ZNF7: variants seen among roughly 807,000 people sequenced by gnomAD.
ZNF7 encodes zinc finger protein 7, also known as C2-H2 type zinc finger protein.
A neutral mutation model predicts 12.0 loss-of-function variants in ZNF7; 10 were observed. The ratio of observed to expected loss-of-function variants is 0.83; its 90% confidence interval spans 0.51 to 1.42. The LOEUF (loss-of-function observed/expected upper bound fraction) is 1.42, where lower values mean the gene tolerates loss of function less well. Ranked by LOEUF, ZNF7 falls within the 40% of genes most tolerant of loss-of-function variation. The pLI is 0.00. For missense variants in ZNF7, 854 were observed against 837.2 expected, an observed-to-expected ratio of 1.02 and a Z score of -0.25; for synonymous variants, 334 against 295.0, an observed-to-expected ratio of 1.13 and a Z score of -1.35.
At position 144,841,361 on chromosome 8, in the gene ZNF7, C is replaced by A. The variant is rs180952992; in HGVS notation, c.254C>A (p.Thr85Lys). 7.2e-5 allele frequency: 115 copies of A among 1,598,878 alleles called. 1 individual carries two copies. The East Asian group carries it at 1.9e-3, about 26-fold the overall frequency. Residue 85 changes from threonine to lysine, a missense_variant, in exon 5 of 5, where the codon ACG (threonine) becomes AAG (lysine). Transcript: ENST00000532777. ...TTGTTCCTGTTTATTTCAGATTCTA[C>A]GATTAGGACTGAAAATGAGCAGGCC... ...EAPRTSKTDSTIRTENEQACE... is the reference protein window; with the variant it reads ...EAPRTSKTDSKIRTENEQACE...
intron 3 of ZNF7, chr8:144,834,694 T>C (rs1586801319): frequency 6.6e-6 from 1 of 151,752 alleles, no homozygotes; most frequent in African/African-American, 2.4e-5. Flanking sequence ...ATTTTTGTGT[T>C]TCTGTTCATA....
intron 3 of ZNF7, chr8:144,834,003 C>T (rs1563829182): frequency 6.6e-6 from 1 of 152,062 alleles, no homozygotes; most frequent in Non-Finnish European, 1.5e-5. Context: ...TGGTCTCGAA[C>T]TAACCTCAGG....
rs536207999 is a variant in ZNF7 at position 144,837,441 on chromosome 8, G to A, written c.181G>A (p.Glu61Lys). 64 of 1,613,138 alleles carry A rather than the reference G, an allele frequency of 4.0e-5. 2 individuals are homozygous for A. In the South Asian group the frequency reaches 6.4e-4, roughly 16 times the overall value. The change falls in exon 4 of 5, where the codon GAA becomes AAA. Residue 61 changes from glutamate (E) to lysine (K), a missense_variant. By Grantham distance (56) the Glu-to-Lys change is moderately conservative. Transcript: ENST00000532777. The part of the protein sequence containing the change: ...PELISRLEQG[E>K]EPWVLDLQGA... ...GCTGATCTCTCGGCTGGAGCAGGGA[G>A]AAGAGCCATGGGTCCTCGACCTGCA...
chr8:144,842,060 G>GC lies in ZNF7; in HGVS notation c.954dup (p.Ser319LeufsTer20). On this transcript the variant is annotated frameshift_variant, in exon 5 of 5. Coordinates refer to ENST00000532777, the MANE Select transcript of ZNF7 (RefSeq NM_003416.4). LOFTEE classifies it low-confidence loss of function (END_TRUNC). ...GAATGTGGAAAAGCTTTTGGTCAGA[G>GC]CTCAAGCCTCATCCACCATCAGAGA... 6.2e-7 allele frequency: 1 copy of GC among 1,614,144 alleles called. No homozygotes were observed. The highest frequency in any genetic ancestry group is 8.5e-7 in the Non-Finnish European group (1 of 1,180,020).
At chr8:144,837,087 C>G (rs1226342956) in intron 3 of ZNF7, 4 of 237,656 alleles carry the variant, frequency 1.7e-5, no homozygotes, top group South Asian at 1.6e-4. Context: ...TTCTCCTTCT[C>G]TTTCCCGAGT....
At chr8:144,827,800 G>C in intron 1 of ZNF7, 191 bp downstream of exon 1, 1 of 609,316 alleles carries the variant, frequency 1.6e-6, no homozygotes. Context: ...ACCCTCCCCC[G>C]CGGCGGCGCG....
In ZNF7 at chr8:144,842,796, T is replaced by G. The variant is rs372273522; in HGVS notation, c.1689T>G (p.Ser563Arg). 2 of 1,614,024 alleles carry G rather than the reference T, an allele frequency of 1.2e-6. No individual in the cohort carries two copies. The highest frequency in any genetic ancestry group is 2.7e-5 in the African/African-American group (2 of 74,918). Reference sequence around the variant, plus strand: ...GTAATGAATGTGGGAAAGCCTTCAGTCAAAACTCAACCCTTTTCCAACACC... The same window carrying G: ...GTAATGAATGTGGGAAAGCCTTCAGGCAAAACTCAACCCTTTTCCAACACC... ...YKCNECGKAF[S>R]QNSTLFQHQI... The change falls in exon 5 of 5, where the codon AGT becomes AGG. Residue 563 changes from serine (S) to arginine (R), a missense_variant. Ser to Arg is a moderately radical substitution (Grantham distance 110). Coordinates refer to ENST00000532777, the MANE Select transcript of ZNF7 (RefSeq NM_003416.4).
intron 2 of ZNF7, 45 bp from the exon 3 acceptor site, chr8:144,829,433 G>A: frequency 6.2e-7 from 1 of 1,611,932 alleles, no homozygotes; most frequent in South Asian, 1.1e-5. Context: ...CCAGAAGGGG[G>A]CTGGCACCCA....
At position 144,842,098 on chromosome 8, in the gene ZNF7, G is replaced by A; in HGVS notation, c.991G>A (p.Glu331Lys). The A allele has an allele frequency of 6.2e-7, 1 of 1,614,192 alleles. No individual in the cohort carries two copies. Among genetic ancestry groups the A allele is most frequent in the Non-Finnish European group, 8.5e-7 (1 of 1,180,032 alleles). Reference protein sequence around the residue: ...LIHHQRIHTGERPYGCRECGK... With the variant: ...LIHHQRIHTGKRPYGCRECGK... The stretch of plus-strand genomic sequence containing the variant: ...CCACCATCAGAGAATCCACACAGGA[G>A]AGAGGCCCTATGGTTGTCGTGAGTG... The change falls in exon 5 of 5, where the codon GAG (glutamate) becomes AAG (lysine). Residue 331 changes from glutamate to lysine, a missense_variant. Physicochemically the swap from Glu to Lys is moderately conservative, Grantham distance 56. Transcript: ENST00000532777.
Position 144,842,749 on chromosome 8 carries a change from A to C in ZNF7, c.1642A>C (p.Thr548Pro), listed in dbSNP as rs767394022. Residue 548 changes from threonine (T) to proline (P), a missense_variant, in exon 5 of 5, where the codon ACT becomes CCT. By Grantham distance (38) the Thr-to-Pro change is conservative. Transcript: ENST00000532777. ...GCTTACAATACATCAAAGGGTTCAC[A>C]CTGGAGAGAGGCCCTATAAATGTAA... ...TQLTIHQRVH[T>P]GERPYKCNEC... The C allele has an allele frequency of 1.2e-6, 2 of 1,614,094 alleles. No individual in the cohort carries two copies. The highest frequency in any genetic ancestry group is 2.7e-5 in the African/African-American group (2 of 74,940).
At chr8:144,831,145 A>G in intron 3 of ZNF7, 1 of 382,974 alleles carries the variant, frequency 2.6e-6, no homozygotes, top group Non-Finnish European at 5.2e-6. Flanking sequence ...CTGTGTGTAC[A>G]CAGTTGCTGA....
chr8:144,829,635 GCAT>G, intron 3 of ZNF7, 31 bp downstream of exon 3: 1 of 1,584,382 alleles, frequency 6.3e-7, no homozygotes, highest in South Asian at 1.1e-5. Context: ...CCCTTCCCCT[GCAT>G]CATCAGTCAG....
Position 144,842,312 on chromosome 8 carries a change from C to T in ZNF7, c.1205C>T (p.Ala402Val). The change falls in exon 5 of 5, where the codon GCA becomes GTA. Residue 402 changes from alanine (A) to valine (V), a missense_variant. Physicochemically the swap from Ala to Val is moderately conservative, Grantham distance 64. Coordinates refer to ENST00000532777, the MANE Select transcript of ZNF7 (RefSeq NM_003416.4). ...LKASDSPSLV[A>V]HQRIHAVEKP... ...GCCTCAGACAGTCCAAGCCTTGTTG[C>T]ACATCAGAGAATTCACGCTGTAGAG... 6.2e-7 allele frequency: 1 copy of T among 1,613,908 alleles called. No individual in the cohort carries two copies. Among genetic ancestry groups the T allele is most frequent in the Non-Finnish European group, 8.5e-7 (1 of 1,180,038 alleles).
In ZNF7 at chr8:144,829,048, T is replaced by C. The variant is rs1483633115; in HGVS notation, c.-40T>C. On this transcript the variant is annotated 5_prime_UTR_variant, in exon 2 of 5. Transcript: ENST00000532777. Reference sequence around the variant, plus strand: ...CCTTTCATAATTGCCAACAGGTCTCTCGGCCAGAACACGTGGATGCCCACC... The same window carrying C: ...CCTTTCATAATTGCCAACAGGTCTCCCGGCCAGAACACGTGGATGCCCACC... 4.3e-6 allele frequency: 7 copies of C among 1,613,772 alleles called. No homozygotes were observed. In the African/African-American group the frequency reaches 9.3e-5, roughly 22 times the overall value.
At chr8:144,837,130 C>T (rs1439064998) in intron 3 of ZNF7, 2 of 326,636 alleles carry the variant, frequency 6.1e-6, no homozygotes, top group African/African-American at 4.1e-5. Context: ...CCTTTGCAGA[C>T]TGTTTGGTGA....
chr8:144,845,509 G>C (rs1830463117), downstream of ZNF7, among the ~76,000 whole-genome samples: 1 of 152,180 alleles, frequency 6.6e-6, no homozygotes, highest in South Asian at 2.1e-4. Context: ...CTCAAGGCCT[G>C]ATGCTTTTTT....
intron 3 of ZNF7, among the ~76,000 whole-genome samples, chr8:144,830,650 A>C (rs1314832304): frequency 6.6e-6 from 1 of 152,126 alleles, no homozygotes; most frequent in Non-Finnish European, 1.5e-5. Flanking sequence ...TATACTTTTT[A>C]AAGAGCCCTC....
At chr8:144,838,032 CG>C (rs904349708) in intron 4 of ZNF7, 4 of 697,752 alleles carry the variant, frequency 5.7e-6, no homozygotes, top group Non-Finnish European at 1.0e-5. Context: ...AATCTGAAAC[CG>C]GGGGGTCAGC....
intron 3 of ZNF7, chr8:144,830,033 T>A (rs942167627): frequency 6.3e-6 from 1 of 157,774 alleles, no homozygotes; most frequent in Non-Finnish European, 1.4e-5. Flanking sequence ...CTCTCTGAAC[T>A]CCACCACCGC....
Sources: gnomAD v4.1 joint callset for allele counts (sites outside exome capture counted in the v4.1 genomes callset) on GRCh38, gnomAD v4.1.1 for gene constraint, MANE v1.5 for transcripts, NCBI Gene and HGNC (gene_info 2026-07-23, HGNC 2026-07-21) for gene names.